NGEF: variants seen among roughly 807,000 people sequenced by gnomAD.
NGEF encodes the protein ephexin-1.
Under a neutral mutation model 80.9 loss-of-function variants are expected in NGEF, and 31 were observed. The observed-to-expected ratio is 0.38, with a 90% confidence interval of 0.29 to 0.52. The LOEUF (loss-of-function observed/expected upper bound fraction) is 0.52, where lower values mean the gene tolerates loss of function less well. Ranked by LOEUF, NGEF falls within the 20% of genes least tolerant of loss-of-function variation. The probability of loss-of-function intolerance (pLI) is 0.84; values close to 1 mark genes in which losing one functional copy is unlikely to be tolerated. For missense variants in NGEF, 709 were observed against 926.2 expected, an observed-to-expected ratio of 0.77 and a Z score of 3.04; for synonymous variants, 371 against 370.2, an observed-to-expected ratio of 1.00 and a Z score of -0.03.
At chr2:232,946,845 C>T (rs573811585) in intron 3 of NGEF, among the ~76,000 whole-genome samples, 8 of 152,222 alleles carry the variant, frequency 5.3e-5, no homozygotes, top group Non-Finnish European at 1.0e-4. Flanking sequence ...AGGAATATGA[C>T]AATCATGGAT....
intron 3 of NGEF, among the ~76,000 whole-genome samples, chr2:232,960,583 CTG>C (rs1693929405): frequency 6.6e-6 from 1 of 152,178 alleles, no homozygotes; most frequent in African/African-American, 2.4e-5. Flanking sequence ...AGGCACCAAA[CTG>C]TATTGAGTCT....
chr2:232,904,935 C>T (rs777196492), intron 5 of NGEF, among the ~76,000 whole-genome samples: 6 of 152,174 alleles, frequency 3.9e-5, no homozygotes, highest in Non-Finnish European at 7.3e-5. Flanking sequence ...AGAGTGAGAC[C>T]TTGTCTCTAA....
chr2:232,960,408 T>C (rs1693923795), intron 3 of NGEF, among the ~76,000 whole-genome samples: 1 of 152,172 alleles, frequency 6.6e-6, no homozygotes, highest in Admixed American at 6.5e-5. Flanking sequence ...CTTTGGACTT[T>C]GCCTCCTGTG....
At chr2:232,888,192 C>T (rs1185020482) in intron 8 of NGEF, 85 bp from the exon 9 acceptor site, 20 of 941,408 alleles carry the variant, frequency 2.1e-5, no homozygotes, top group Non-Finnish European at 3.3e-5. Flanking sequence ...TACCTCCCTA[C>T]TGCACCAGTC....
At chr2:232,893,608 T>C (rs1204475912) in intron 6 of NGEF, among the ~76,000 whole-genome samples, 1 of 152,054 alleles carries the variant, frequency 6.6e-6, no homozygotes, top group African/African-American at 2.4e-5. Context: ...ACCCTGTCTC[T>C]ACTAAAAATA....
chr2:232,998,813 C>T lies in NGEF; in HGVS notation c.-75+14255G>A, dbSNP rs1221217539. On this transcript the variant is annotated intron_variant, in intron 1 of 14. Coordinates refer to ENST00000264051, the MANE Select transcript of NGEF (RefSeq NM_019850.3). ...TCCCTCCCAGCATGTCCTAGCAGGA[C>T]TCCGGGCCAGGTCTCCCTGGGCACT... 5.3e-5 allele frequency among the ~76,000 whole-genome samples: 8 copies of T among 152,178 alleles called. No individual in the cohort carries two copies. The East Asian group carries it at 1.3e-3, about 26-fold the overall frequency.
chr2:232,929,074 A>G (rs1051745396), intron 3 of NGEF, among the ~76,000 whole-genome samples: 5 of 152,212 alleles, frequency 3.3e-5, no homozygotes, highest in African/African-American at 7.2e-5. Context: ...TCCGGAGGCC[A>G]GCCGGCTCAC....
chr2:232,894,803 C>T lies in NGEF; in HGVS notation c.942G>A (p.Ala314=), dbSNP rs150452305. 3.2e-5 allele frequency: 52 copies of T among 1,610,694 alleles called. No homozygotes were observed. The highest frequency in any genetic ancestry group is 1.0e-4 in the Admixed American group (6 of 59,980). ...CCAGGACGTTGGAGAAGAGGATGTGCGCCTCGGACGGGTGCAGGATCTTCC... is the reference window on the plus strand; with the variant it reads ...CCAGGACGTTGGAGAAGAGGATGTGTGCCTCGGACGGGTGCAGGATCTTCC... The part of the protein sequence containing the change: ...RIRKILHPSE[A]HILFSNVLDV... The change falls in exon 6 of 15, where the codon GCG becomes GCA. Residue 314 remains alanine, a synonymous_variant. Transcript: ENST00000264051.
intron 3 of NGEF, among the ~76,000 whole-genome samples, chr2:232,938,173 C>A (rs566125089): frequency 1.3e-5 from 2 of 152,116 alleles, no homozygotes. Flanking sequence ...TTTTCTGAAT[C>A]AAAAATAGAT....
At chr2:232,999,214 T>A (rs956527850) in intron 1 of NGEF, among the ~76,000 whole-genome samples, 5 of 152,224 alleles carry the variant, frequency 3.3e-5, no homozygotes, top group African/African-American at 1.2e-4. Context: ...CTGCCCTTTT[T>A]ATTATTTGCA....
At chr2:232,945,913 A>T (rs1328886236) in intron 3 of NGEF, among the ~76,000 whole-genome samples, 2 of 152,088 alleles carry the variant, frequency 1.3e-5, no homozygotes, top group African/African-American at 4.8e-5. Flanking sequence ...ACGAAAAAAA[A>T]TACTTGCACA....
chr2:232,973,122 C>T (rs1694227858), intron 2 of NGEF, among the ~76,000 whole-genome samples: 1 of 152,134 alleles, frequency 6.6e-6, no homozygotes, highest in African/African-American at 2.4e-5. Flanking sequence ...TTCCTAACCC[C>T]AGCAGAAGGG....
chr2:232,945,476 CACA>C (rs1378562526), intron 3 of NGEF, among the ~76,000 whole-genome samples: 2 of 151,302 alleles, frequency 1.3e-5, no homozygotes, highest in Non-Finnish European at 2.9e-5. Context: ...GATACACAGA[CACA>C]GACACAGACA....
chr2:232,919,810 G>A (rs946551825), intron 5 of NGEF, among the ~76,000 whole-genome samples: 1 of 152,110 alleles, frequency 6.6e-6, no homozygotes, highest in Non-Finnish European at 1.5e-5. Flanking sequence ...GCAAGCTGAG[G>A]GACTTCCTTC....
Position 232,984,459 on chromosome 2 carries a change from A to G in NGEF, c.-74-9495T>C, listed in dbSNP as rs137898709. ...TTTGAGACAATTTGTTTTTTACAGG[A>G]TGGAAGTCCGATGCCAGAGAGTTGT... On this transcript the variant is annotated intron_variant, in intron 1 of 14. Transcript: ENST00000264051. Among the ~76,000 whole-genome samples the G allele has an allele frequency of 1.5e-4, 23 of 152,290 alleles. No individual in the cohort carries two copies. The East Asian group carries it at 4.4e-3, about 29-fold the overall frequency.
chr2:232,896,541 G>A (rs1236372384), intron 5 of NGEF, among the ~76,000 whole-genome samples: 1 of 130,236 alleles, frequency 7.7e-6, no homozygotes. Flanking sequence ...GGGGGTGAGG[G>A]TAGGGGTGAG....
rs773924379 is a variant in NGEF at position 232,974,864 on chromosome 2, C to T, written c.27G>A (p.Leu9=). METRESED[L]EKTRRKSASD... ...TTGCTGATTTCCTCCGGGTCTTTTC[C>T]AAATCTTCAGATTCCCTGGTCTCCA... Residue 9 remains leucine (L), a synonymous_variant, in exon 2 of 15, where the codon TTG becomes TTA. Coordinates refer to ENST00000264051, the MANE Select transcript of NGEF (RefSeq NM_019850.3). The T allele has an allele frequency of 1.2e-6, 2 of 1,613,786 alleles. No homozygotes were observed. The highest frequency in any genetic ancestry group is 3.3e-5 in the Admixed American group (2 of 59,952).
chr2:232,917,691 C>T (rs888888191), intron 5 of NGEF, among the ~76,000 whole-genome samples: 11 of 151,964 alleles, frequency 7.2e-5, no homozygotes, highest in African/African-American at 2.2e-4. Context: ...ACTCTGTTCA[C>T]TTGGGTAATT....
At chr2:232,992,989 G>GTATATATA (rs142264252) in intron 1 of NGEF, among the ~76,000 whole-genome samples, 2 of 121,296 alleles carry the variant, frequency 1.6e-5, no homozygotes, top group East Asian at 2.1e-4. Context: ...CCTGCCTGAA[G>GTATATATA]TATATATATA....
Sources: allele counts gnomAD v4.1 joint callset (sites outside exome capture counted in the v4.1 genomes callset), GRCh38; gene constraint gnomAD v4.1.1; transcripts MANE v1.5; gene names NCBI Gene and HGNC (gene_info 2026-07-23, HGNC 2026-07-21).